The following ME2 variants were observed in gnomAD, a reference collection of about 807,000 sequenced individuals.
ME2 encodes the protein malic enzyme 2, also known as NAD-dependent malic enzyme, mitochondrial.
In ME2, 60 loss-of-function variants were observed where a neutral mutation model predicts 73.7. That is an observed-to-expected ratio of 0.81 (90% CI 0.66 to 1.01). ME2 has a LOEUF of 1.01. Among genes scored for constraint, ME2 ranks in the 50% least tolerant of loss-of-function variants. The pLI is 0.00. For missense variants in ME2, 594 were observed against 705.5 expected (o/e 0.84, Z 1.79); for synonymous variants, 199 against 236.9 (o/e 0.84, Z 1.47).
chr18:50,951,902 A>T lies in ME2; in HGVS notation c.*4718A>T, dbSNP rs928115323. The stretch of plus-strand genomic sequence containing the variant: ...AAAAAAAAAAAAAAAAAAAAAAAAA[A>T]ATCTCCAGGGTTCTGTTGAATTCAC... On this transcript the variant is annotated 3_prime_UTR_variant, in exon 16 of 16. Coordinates refer to ENST00000321341, the MANE Select transcript of ME2 (RefSeq NM_002396.5). The T allele has an allele frequency of 7.5e-6, 1 of 133,686 alleles. No individual in the cohort carries two copies. Among genetic ancestry groups the T allele is most frequent in the Non-Finnish European group, 1.6e-5 (1 of 63,950 alleles). The allele number at this position is 133,686 out of a possible 1,614,324, so 8.3% of individuals were successfully genotyped here.
intron 12 of ME2, among the ~76,000 whole-genome samples, chr18:50,931,111 A>C (rs575093162): frequency 6.6e-6 from 1 of 152,256 alleles, no homozygotes; most frequent in African/African-American, 2.4e-5. Flanking sequence ...CTACAATGCT[A>C]TAAAGAATAA....
intron 1 of ME2, among the ~76,000 whole-genome samples, chr18:50,885,637 A>G (rs574282026): frequency 1.3e-5 from 2 of 152,122 alleles, no homozygotes; most frequent in East Asian, 3.9e-4. Context: ...TTTTGTCACC[A>G]TGTTGGGGAT....
chr18:50,916,466 G>A, intron 5 of ME2: 1 of 399,394 alleles, frequency 2.5e-6, no homozygotes, highest in East Asian at 4.1e-5. Flanking sequence ...TAGAATACAA[G>A]GTGAGCCCTC....
intron 15 of ME2, among the ~76,000 whole-genome samples, chr18:50,944,743 G>T (rs894247594): frequency 1.3e-5 from 2 of 152,116 alleles, no homozygotes; most frequent in Non-Finnish European, 2.9e-5. Flanking sequence ...CTTATTGTAT[G>T]CATGGTGGCC....
chr18:50,880,186 C>T lies in ME2; in HGVS notation c.-13+878C>T, dbSNP rs557711175. 3.1e-4 allele frequency among the ~76,000 whole-genome samples: 47 copies of T among 152,296 alleles called. 1 individual carries two copies. In the South Asian group the frequency reaches 9.3e-3, roughly 30 times the overall value. On this transcript the variant is annotated intron_variant, in intron 1 of 15. Transcript: ENST00000321341. Reference sequence around the variant, plus strand: ...GTGACAGGCAGAGCGCTAGTTTCTACACGGATTATCTCAAAATAACCCTTT... The same window carrying T: ...GTGACAGGCAGAGCGCTAGTTTCTATACGGATTATCTCAAAATAACCCTTT...
At chr18:50,897,992 G>A (rs1469615690) in intron 2 of ME2, among the ~76,000 whole-genome samples, 2 of 152,192 alleles carry the variant, frequency 1.3e-5, no homozygotes, top group Non-Finnish European at 2.9e-5. Context: ...TAAACATCAG[G>A]AAGAGTTTAT....
chr18:50,920,358 A>G (rs1406871571), intron 7 of ME2, 98 bp from the exon 8 acceptor site: 3 of 838,714 alleles, frequency 3.6e-6, no homozygotes, highest in Non-Finnish European at 5.6e-6. Context: ...AACTAACATA[A>G]TACATTATTT....
At chr18:50,946,238 G>C (rs1918080322) in intron 15 of ME2, among the ~76,000 whole-genome samples, 1 of 152,140 alleles carries the variant, frequency 6.6e-6, no homozygotes, top group African/African-American at 2.4e-5. Flanking sequence ...TGAGGTTCAA[G>C]GGCTTATTCT....
intron 1 of ME2, among the ~76,000 whole-genome samples, chr18:50,886,159 T>G (rs1344963473): frequency 8.9e-6 from 1 of 112,544 alleles, no homozygotes; most frequent in African/African-American, 2.8e-5. Flanking sequence ...CCACACAAAT[T>G]TAAAATTTAA....
At chr18:50,895,746 C>G (rs980436638) in intron 1 of ME2, 63 bp from the exon 2 acceptor site, 2 of 994,418 alleles carry the variant, frequency 2.0e-6, no homozygotes, top group South Asian at 1.4e-5. Flanking sequence ...AACTGATACC[C>G]GATGGACATG....
intron 3 of ME2, among the ~76,000 whole-genome samples, chr18:50,909,218 C>A (rs1342091073): frequency 6.6e-6 from 1 of 152,152 alleles, no homozygotes. Context: ...CCCGCCTTGG[C>A]CTCCCAAAGT....
At chr18:50,906,367 C>T (rs546662852) in intron 2 of ME2, among the ~76,000 whole-genome samples, 3 of 152,164 alleles carry the variant, frequency 2.0e-5, no homozygotes, top group Non-Finnish European at 4.4e-5. Context: ...GGCTGGAGTA[C>T]AGGGGCATGA....
At chr18:50,890,163 T>G (rs751100908) in intron 1 of ME2, among the ~76,000 whole-genome samples, 8 of 152,222 alleles carry the variant, frequency 5.3e-5, no homozygotes, top group Non-Finnish European at 1.0e-4. Context: ...ACAGAATGTT[T>G]CTTCTATTTT....
At chr18:50,926,099 CTGTT>C (rs112362190) in intron 12 of ME2, among the ~76,000 whole-genome samples, 11 of 152,296 alleles carry the variant, frequency 7.2e-5, no homozygotes, top group African/African-American at 2.6e-4. Context: ...TGCCCTCACA[CTGTT>C]TGCACTATTG....
At chr18:50,920,052 A>G (rs1917383056) in intron 7 of ME2, among the ~76,000 whole-genome samples, 1 of 152,174 alleles carries the variant, frequency 6.6e-6, no homozygotes, top group African/African-American at 2.4e-5. Context: ...TCTGAATGTC[A>G]GTGAACTCAA....
chr18:50,927,589 C>T (rs902333460), intron 12 of ME2, among the ~76,000 whole-genome samples: 4 of 151,128 alleles, frequency 2.6e-5, no homozygotes, highest in Non-Finnish European at 5.9e-5. Flanking sequence ...TTAGTCCCAG[C>T]TGCTGGGGAG....
intron 3 of ME2, among the ~76,000 whole-genome samples, chr18:50,908,730 TC>T (rs1174229531): frequency 6.6e-6 from 1 of 152,070 alleles, no homozygotes; most frequent in Non-Finnish European, 1.5e-5. Context: ...AGTCTCCGCC[TC>T]CCAAGTTCAA....
In ME2 at chr18:50,930,254, C is replaced by T. The variant is rs116852261; in HGVS notation, c.1315-2004C>T. Reference sequence around the variant, plus strand: ...CAGCCTGGGCAACAGAATGAGACCCCGTCTCAAAAATAAATAAATAAAAAG... The same window carrying T: ...CAGCCTGGGCAACAGAATGAGACCCTGTCTCAAAAATAAATAAATAAAAAG... On this transcript the variant is annotated intron_variant, in intron 12 of 15. Coordinates refer to ENST00000321341, the MANE Select transcript of ME2 (RefSeq NM_002396.5). Among the ~76,000 whole-genome samples, 143 of 151,962 alleles carry T rather than the reference C, an allele frequency of 9.4e-4. 3 individuals are homozygous for T. In the East Asian group the frequency reaches 0.026, roughly 28 times the overall value.
At chr18:50,938,281 G>A (rs1330355767) in intron 13 of ME2, among the ~76,000 whole-genome samples, 1 of 152,164 alleles carries the variant, frequency 6.6e-6, no homozygotes, top group Non-Finnish European at 1.5e-5. Flanking sequence ...GTGAGCTTGT[G>A]CCACTGTACT....
Sources: allele counts gnomAD v4.1 joint callset (sites outside exome capture counted in the v4.1 genomes callset), GRCh38; gene constraint gnomAD v4.1.1; transcripts MANE v1.5; gene names NCBI Gene and HGNC (gene_info 2026-07-23, HGNC 2026-07-21).